DOT1L: variants seen among roughly 807,000 people sequenced by gnomAD.
The protein encoded by DOT1L is DOT1 like histone lysine methyltransferase.
In DOT1L, 33 loss-of-function variants were observed where a neutral mutation model predicts 153.3. The observed-to-expected ratio is 0.22, with a 90% CI of 0.16 to 0.29. DOT1L has a LOEUF of 0.29. DOT1L is among the 10% of genes least tolerant of loss of function. The pLI is 1.00. For missense variants in DOT1L, 1,847 were observed against 2,119.9 expected (o/e 0.87, Z 2.53); for synonymous variants, 1,135 against 965.1 (o/e 1.18, Z -3.26).
chr19:2,188,834 G>C (rs142805274), intron 3 of DOT1L, among the ~76,000 whole-genome samples: 1 of 152,212 alleles, frequency 6.6e-6, no homozygotes, highest in Non-Finnish European at 1.5e-5. Flanking sequence ...GGCAGACCCC[G>C]TAGCAGGCTT....
intron 26 of DOT1L, among the ~76,000 whole-genome samples, chr19:2,225,831 C>T: frequency 6.6e-6 from 1 of 152,128 alleles, no homozygotes; most frequent in Non-Finnish European, 1.5e-5. Flanking sequence ...TGGGGCAGCC[C>T]CACCTTCCCT....
intron 3 of DOT1L, 67 bp from the exon 4 acceptor site, chr19:2,189,665 C>T (rs913160679): frequency 6.4e-7 from 1 of 1,570,794 alleles, no homozygotes; most frequent in Admixed American, 1.7e-5. Flanking sequence ...TATCCACATG[C>T]TGTCCCCTCC....
chr19:2,225,003 T>C (rs1268859272), intron 25 of DOT1L, among the ~76,000 whole-genome samples: 4 of 152,178 alleles, frequency 2.6e-5, no homozygotes, highest in Non-Finnish European at 5.9e-5. Flanking sequence ...TGCTGTGGCA[T>C]TGTTTGCCAC....
At chr19:2,226,053 G>T in intron 26 of DOT1L, 130 bp from the exon 27 acceptor site, 1 of 988,014 alleles carries the variant, frequency 1.0e-6, no homozygotes, top group Non-Finnish European at 1.4e-6. Context: ...TGTCCCGCTT[G>T]GCATCTTGAG....
At position 2,189,864 on chromosome 19, in the gene DOT1L, T is replaced by G. The variant is rs543423366; in HGVS notation, c.264+69T>G. ...CTCCCGGACCCCTCCAGACCCCTTA[T>G]GTCACCGCCTCGGGGCACAGAGCTC... On this transcript the variant is annotated intron_variant, in intron 4 of 27. Transcript: ENST00000398665. 4.2e-5 allele frequency: 64 copies of G among 1,538,920 alleles called. 1 individual carries two copies. In the South Asian group the frequency reaches 6.5e-4, roughly 16 times the overall value.
chr19:2,216,820 G>A, intron 20 of DOT1L, 55 bp downstream of exon 20: 1 of 1,557,520 alleles, frequency 6.4e-7, no homozygotes, highest in Admixed American at 1.7e-5. Flanking sequence ...GACTCTGCCT[G>A]GTGTGCTCAG....
At chr19:2,205,323 T>C (rs2023451140) in intron 9 of DOT1L, among the ~76,000 whole-genome samples, 3 of 152,210 alleles carry the variant, frequency 2.0e-5, no homozygotes, top group African/African-American at 7.2e-5. Flanking sequence ...CAGAAGGCTC[T>C]GTTTCTCTCG....
chr19:2,203,924 AC>A (rs1323343129), intron 9 of DOT1L, among the ~76,000 whole-genome samples: 1 of 152,046 alleles, frequency 6.6e-6, no homozygotes, highest in East Asian at 1.9e-4. Flanking sequence ...CTCTGGGGGT[AC>A]CCCCTCTTCC....
chr19:2,196,872 C>A (rs562910043), intron 7 of DOT1L, among the ~76,000 whole-genome samples: 19 of 152,332 alleles, frequency 1.2e-4, no homozygotes, highest in African/African-American at 4.6e-4. Context: ...TGTGGATGCT[C>A]TCCCTCGGGT....
At chr19:2,200,059 G>T in intron 8 of DOT1L, 120 bp downstream of exon 8, 2 of 1,331,256 alleles carry the variant, frequency 1.5e-6, no homozygotes, top group Non-Finnish European at 2.1e-6. Context: ...CAGGAAAGAG[G>T]CCGGTGGGGA....
At chr19:2,202,929 T>C in intron 9 of DOT1L, 150 bp downstream of exon 9, 1 of 709,190 alleles carries the variant, frequency 1.4e-6, no homozygotes, top group Non-Finnish European at 2.4e-6. Flanking sequence ...ATGCTTTTTT[T>C]TCTTTTTTTA....
At position 2,230,416 on chromosome 19, in the gene DOT1L, C is replaced by T. The variant is rs1339477337; in HGVS notation, c.*624C>T. On this transcript the variant is annotated 3_prime_UTR_variant, in exon 28 of 28. Coordinates refer to ENST00000398665, the MANE Select transcript of DOT1L (RefSeq NM_032482.3). Reference sequence around the variant, plus strand: ...ACTGTGAACCCCCAGACTGTTCACCCTCCGGGGCGTGGGTTGCGCCCTTGC... The same window carrying T: ...ACTGTGAACCCCCAGACTGTTCACCTTCCGGGGCGTGGGTTGCGCCCTTGC... 5.0e-6 allele frequency: 2 copies of T among 400,268 alleles called. No individual in the cohort carries two copies. The highest frequency in any genetic ancestry group is 4.4e-6 in the Non-Finnish European group (1 of 227,350). The allele number at this position is 400,268 out of a possible 1,614,324, so 24.8% of individuals were successfully genotyped here. A position where few individuals can be genotyped will look rare whatever the true frequency, so the allele number is the denominator to read the frequency against.
intron 19 of DOT1L, 31 bp from the exon 20 acceptor site, chr19:2,216,250 G>A (rs2023893928): frequency 6.5e-7 from 1 of 1,537,754 alleles, no homozygotes; most frequent in African/African-American, 1.4e-5. Flanking sequence ...CCCCCGGTGG[G>A]GCGGGCCTGA....
chr19:2,230,207 T>C lies in DOT1L; in HGVS notation c.*415T>C, dbSNP rs2024538324. ...GCGCCTGCCTCCACCCGCTTGGTGCTGACTAGACGCTGACAACGCCGAACC... is the reference window on the plus strand; with the variant it reads ...GCGCCTGCCTCCACCCGCTTGGTGCCGACTAGACGCTGACAACGCCGAACC... On this transcript the variant is annotated 3_prime_UTR_variant, in exon 28 of 28. Transcript: ENST00000398665. 2 of 432,808 alleles carry C rather than the reference T, an allele frequency of 4.6e-6. No homozygotes were observed. Among genetic ancestry groups the C allele is most frequent in the East Asian group, 3.5e-5 (1 of 28,614 alleles). The allele number at this position is 432,808 out of a possible 1,614,324, so 26.8% of individuals were successfully genotyped here.
chr19:2,211,800 C>T lies in DOT1L; in HGVS notation c.1515C>T (p.Pro505=). ...AGTTCCTGGCATACACAAAGACCCCCCAGTACAAGGCCAGCCTGCAGGAGC... is the reference window on the plus strand; with the variant it reads ...AGTTCCTGGCATACACAAAGACCCCTCAGTACAAGGCCAGCCTGCAGGAGC... ...YLQFLAYTKT[P]QYKASLQELL... Residue 505 remains proline, a synonymous_variant, in exon 16 of 28, where the codon CCC becomes CCT. Transcript: ENST00000398665. The T allele has an allele frequency of 6.3e-7, 1 of 1,575,140 alleles. No individual in the cohort carries two copies. The highest frequency in any genetic ancestry group is 2.3e-5 in the East Asian group (1 of 43,174).
chr19:2,201,830 C>G (rs949275949), intron 8 of DOT1L, among the ~76,000 whole-genome samples: 7 of 152,230 alleles, frequency 4.6e-5, no homozygotes, highest in Admixed American at 3.9e-4. Context: ...GCAGCCCCAG[C>G]CCTAGGCTCA....
In DOT1L at chr19:2,213,560, G is replaced by A. The variant is rs2023788384; in HGVS notation, c.1579G>A (p.Gly527Ser). 4 of 1,613,066 alleles carry A rather than the reference G, an allele frequency of 2.5e-6. No homozygotes were observed. In the South Asian group the frequency reaches 3.3e-5, roughly 13 times the overall value. Residue 527 changes from glycine (G) to serine (S), a missense_variant, in exon 17 of 28, where the codon GGT (glycine) becomes AGT (serine). Gly to Ser is a moderately conservative substitution (Grantham distance 56). This residue lies in a region of DOT1L where 156 missense variants were observed against 235.7 expected (regional missense o/e 0.66). Coordinates refer to ENST00000398665, the MANE Select transcript of DOT1L (RefSeq NM_032482.3). ...QEKEKNAQLL[G>S]AAQQLLSHCQ... ...ACAGGAGAAGAACGCCCAGCTCCTGGGTGCGGCTCAGCAGCTCCTCAGCCA... is the reference window on the plus strand; with the variant it reads ...ACAGGAGAAGAACGCCCAGCTCCTGAGTGCGGCTCAGCAGCTCCTCAGCCA...
intron 2 of DOT1L, among the ~76,000 whole-genome samples, chr19:2,185,598 G>T (rs1214709008): frequency 1.3e-5 from 2 of 152,062 alleles, no homozygotes; most frequent in Non-Finnish European, 1.5e-5. Flanking sequence ...GCCTAACCCG[G>T]TCTCTACTAA....
rs1455359990 is a variant in DOT1L, at chr19:2,220,986, G to A, written c.2806+764G>A. On this transcript the variant is annotated intron_variant, in intron 23 of 27. Coordinates refer to ENST00000398665, the MANE Select transcript of DOT1L (RefSeq NM_032482.3). The surrounding 1 kb of genome is among the most constrained non-coding windows in gnomAD (Gnocchi z 4.5). ...AGGACAGGAGTTTGAGACCAGCCTG[G>A]CCAACATGGTGAAACCACCGTCTGT... 8 of 181,464 alleles carry A rather than the reference G, an allele frequency of 4.4e-5. No homozygotes were observed. The East Asian group carries it at 1.2e-3, about 27-fold the overall frequency. The allele number at this position is 181,464 out of a possible 1,614,324, so 11.2% of individuals were successfully genotyped here.
Sources: allele counts gnomAD v4.1 joint callset (sites outside exome capture counted in the v4.1 genomes callset), GRCh38; gene constraint gnomAD v4.1.1; regional missense constraint gnomAD v4.1.1; non-coding constraint Gnocchi (gnomAD v3.1); transcripts MANE v1.5; gene names NCBI Gene and HGNC (gene_info 2026-07-23, HGNC 2026-07-21).